Variants in NKAIN2 observed in about 807,000 individuals in gnomAD.
The protein encoded by NKAIN2 is sodium/potassium-transporting ATPase subunit beta-1-interacting protein 2.
In NKAIN2, 14 loss-of-function variants were observed where a neutral mutation model predicts 32.6. That is an observed-to-expected ratio of 0.43 (90% CI 0.28 to 0.67). The LOEUF (loss-of-function observed/expected upper bound fraction) is 0.67, where lower values mean the gene tolerates loss of function less well. Ranked by LOEUF, NKAIN2 falls within the 30% of genes least tolerant of loss-of-function variation. The probability of loss-of-function intolerance (pLI) is 0.17; values close to 1 mark genes in which losing one functional copy is unlikely to be tolerated. For synonymous variants in NKAIN2, 80 were observed against 87.2 expected, an observed-to-expected ratio of 0.92 and a Z score of 0.46; for missense variants, 198 against 258.3, an observed-to-expected ratio of 0.77 and a Z score of 1.60.
intron 3 of NKAIN2, among the ~76,000 whole-genome samples, chr6:124,466,130 C>T (rs116387990): frequency 0.01 from 1,567 of 152,068 alleles, 19 homozygotes; most frequent in African/African-American, 0.036. Context: ...ATTTAGAATC[C>T]CAATTCAAGC....
intron 3 of NKAIN2, among the ~76,000 whole-genome samples, chr6:124,645,607 C>T (rs1177735910): frequency 6.6e-6 from 1 of 152,088 alleles, no homozygotes; most frequent in African/African-American, 2.4e-5. Flanking sequence ...AAGGCACTGC[C>T]CCATCATCTT....
At chr6:124,321,951 C>T (rs1797213270) in intron 2 of NKAIN2, among the ~76,000 whole-genome samples, 1 of 152,106 alleles carries the variant, frequency 6.6e-6, no homozygotes, top group Non-Finnish European at 1.5e-5. Flanking sequence ...AGTACATTTT[C>T]CTTCTAAATT....
Position 124,432,896 on chromosome 6 carries a change from C to T in NKAIN2, c.273+77549C>T, listed in dbSNP as rs1267761543. On this transcript the variant is annotated intron_variant, in intron 3 of 6. Coordinates refer to ENST00000368417, the MANE Select transcript of NKAIN2 (RefSeq NM_001040214.3). The stretch of plus-strand genomic sequence containing the variant: ...CCAAAGCACTAATATACCCCAAGCA[C>T]ACTATAGGAACCATCTTCCTTGTGA... Among the ~76,000 whole-genome samples, 3 of 152,186 alleles carry T rather than the reference C, an allele frequency of 2.0e-5. No individual in the cohort carries two copies. The East Asian group carries it at 5.8e-4, about 30-fold the overall frequency.
In NKAIN2 at chr6:123,914,350, C is replaced by T. The variant is rs1052253933; in HGVS notation, c.54+110096C>T. ...ATGAGAGAGAGGGAAAAAGACATGT[C>T]GGGAGGAAGCCAGGGAGGGAGGGAG... On this transcript the variant is annotated intron_variant, in intron 1 of 6. Coordinates refer to ENST00000368417, the MANE Select transcript of NKAIN2 (RefSeq NM_001040214.3). 9.9e-5 allele frequency among the ~76,000 whole-genome samples: 15 copies of T among 151,412 alleles called. 1 individual carries two copies. Among genetic ancestry groups the T allele is most frequent in the Admixed American group, 5.3e-4 (8 of 15,162 alleles).
At chr6:124,062,012 A>G (rs539392049) in intron 1 of NKAIN2, among the ~76,000 whole-genome samples, 1 of 152,292 alleles carries the variant, frequency 6.6e-6, no homozygotes, top group African/African-American at 2.4e-5. Flanking sequence ...ATCTTTAGCA[A>G]TGGGAACATT....
intron 1 of NKAIN2, among the ~76,000 whole-genome samples, chr6:123,907,554 C>T (rs990341029): frequency 1.3e-5 from 2 of 152,088 alleles, no homozygotes; most frequent in African/African-American, 4.8e-5. Context: ...TAATTCATTG[C>T]TCTTCCATAA....
intron 3 of NKAIN2, among the ~76,000 whole-genome samples, chr6:124,365,455 A>C (rs1465673115): frequency 6.6e-6 from 1 of 151,960 alleles, no homozygotes; most frequent in Non-Finnish European, 1.5e-5. Flanking sequence ...GGGAAATGTA[A>C]TAATGATAAA....
intron 4 of NKAIN2, among the ~76,000 whole-genome samples, chr6:124,732,833 C>G (rs941882277): frequency 6.6e-6 from 1 of 151,930 alleles, no homozygotes; most frequent in Non-Finnish European, 1.5e-5. Flanking sequence ...ATTAACCCAA[C>G]TGATTTGAAA....
At chr6:124,401,261 C>T (rs545476333) in intron 3 of NKAIN2, among the ~76,000 whole-genome samples, 3 of 152,110 alleles carry the variant, frequency 2.0e-5, no homozygotes, top group East Asian at 1.9e-4. Flanking sequence ...CTAATTTAGA[C>T]GATAATGACA....
intron 1 of NKAIN2, among the ~76,000 whole-genome samples, chr6:123,874,702 AAATTG>A (rs1773084184): frequency 6.6e-6 from 1 of 152,168 alleles, no homozygotes; most frequent in Non-Finnish European, 1.5e-5. Flanking sequence ...GGGTTCATAA[AAATTG>A]AATTGGCCTA....
intron 3 of NKAIN2, among the ~76,000 whole-genome samples, chr6:124,626,895 C>G (rs747752399): frequency 5.3e-5 from 8 of 151,884 alleles, no homozygotes; most frequent in Non-Finnish European, 1.0e-4. Flanking sequence ...CCTTTTTTGC[C>G]GTGTTATGTG....
chr6:124,552,126 A>G (rs1780310306), intron 3 of NKAIN2, among the ~76,000 whole-genome samples: 1 of 152,232 alleles, frequency 6.6e-6, no homozygotes, highest in Admixed American at 6.5e-5. Context: ...TTTCTAAACA[A>G]GACATTCCTT....
At chr6:124,755,631 T>A (rs1208155774) in intron 4 of NKAIN2, among the ~76,000 whole-genome samples, 3 of 152,060 alleles carry the variant, frequency 2.0e-5, no homozygotes, top group Non-Finnish European at 4.4e-5. Flanking sequence ...AATACCGCAT[T>A]TGCTCACTTA....
At chr6:124,220,641 A>T (rs1791766556) in intron 1 of NKAIN2, among the ~76,000 whole-genome samples, 6 of 151,636 alleles carry the variant, frequency 4.0e-5, no homozygotes, top group Admixed American at 3.9e-4. Flanking sequence ...AGAAAATTTA[A>T]GCCTCTTCAT....
chr6:124,204,804 T>C (rs1790773767), intron 1 of NKAIN2, among the ~76,000 whole-genome samples: 1 of 151,760 alleles, frequency 6.6e-6, no homozygotes, highest in African/African-American at 2.4e-5. Context: ...GCAGCACTTA[T>C]TAATTTAGCT....
At chr6:124,380,153 C>A (rs1583159287) in intron 3 of NKAIN2, among the ~76,000 whole-genome samples, 1 of 152,124 alleles carries the variant, frequency 6.6e-6, no homozygotes, top group African/African-American at 2.4e-5. Context: ...CACACTGCGT[C>A]CCAGCTATTC....
At chr6:123,868,821 AT>A (rs752586738) in intron 1 of NKAIN2, among the ~76,000 whole-genome samples, 181 of 152,326 alleles carry the variant, frequency 1.2e-3, no homozygotes, top group Non-Finnish European at 1.8e-3. Flanking sequence ...TCTGCATAAT[AT>A]TAGGAAACAT....
At chr6:124,442,059 A>G (rs1161430373) in intron 3 of NKAIN2, among the ~76,000 whole-genome samples, 2 of 152,040 alleles carry the variant, frequency 1.3e-5, no homozygotes. Context: ...ATCAATATGA[A>G]GATTTTAAAT....
intron 1 of NKAIN2, among the ~76,000 whole-genome samples, chr6:123,865,595 A>G (rs1481218433): frequency 6.6e-6 from 1 of 152,188 alleles, no homozygotes; most frequent in Non-Finnish European, 1.5e-5. Flanking sequence ...AATATTTCCA[A>G]ATCTTTAATG....
Sources: gnomAD v4.1 joint callset for allele counts (sites outside exome capture counted in the v4.1 genomes callset) on GRCh38, gnomAD v4.1.1 for gene constraint, MANE v1.5 for transcripts, NCBI Gene and HGNC (gene_info 2026-07-23, HGNC 2026-07-21) for gene names.